B4GALNT3: variants seen among roughly 807,000 people sequenced by gnomAD.
B4GALNT3 encodes beta-1,4-N-acetylgalactosaminyltransferase 3.
In B4GALNT3, 86 loss-of-function variants were observed where a neutral mutation model predicts 120.2. That is an observed-to-expected ratio of 0.72 (90% CI 0.60 to 0.86). The LOEUF (loss-of-function observed/expected upper bound fraction) is 0.86, where lower values mean the gene tolerates loss of function less well. Ranked by LOEUF, B4GALNT3 falls within the 40% of genes least tolerant of loss-of-function variation. The pLI is 0.00. For missense variants in B4GALNT3, 1,167 were observed against 1,298.9 expected (o/e 0.90, Z 1.56); for synonymous variants, 518 against 510.4 (o/e 1.01, Z -0.20).
At chr12:475,839 G>A (rs1215021632) in intron 1 of B4GALNT3, among the ~76,000 whole-genome samples, 2 of 152,160 alleles carry the variant, frequency 1.3e-5, no homozygotes, top group East Asian at 3.9e-4. Context: ...AGAGTATCTG[G>A]TTAGGACAGT....
In B4GALNT3 at chr12:460,248, A is replaced by T. The variant is rs974957785; in HGVS notation, c.-129A>T. 11 of 696,956 alleles carry T rather than the reference A, an allele frequency of 1.6e-5. No individual in the cohort carries two copies. Among genetic ancestry groups the T allele is most frequent in the African/African-American group, 2.0e-5 (1 of 50,848 alleles). The allele number at this position is 696,956 out of a possible 1,614,324, so 43.2% of individuals were successfully genotyped here. A position where few individuals can be genotyped will look rare whatever the true frequency, so the allele number is the denominator to read the frequency against. On this transcript the variant is annotated 5_prime_UTR_variant, in exon 1 of 20. Coordinates refer to ENST00000266383, the MANE Select transcript of B4GALNT3 (RefSeq NM_173593.4). The surrounding 1 kb of genome is among the most constrained non-coding windows in gnomAD (Gnocchi z 8.0). ...AGCCCCGCCGGAGAGCGGCCGGGAGAGACGGCCTCGGCGCAGCCCTGAGAC... is the reference window on the plus strand; with the variant it reads ...AGCCCCGCCGGAGAGCGGCCGGGAGTGACGGCCTCGGCGCAGCCCTGAGAC...
chr12:464,912 G>A (rs1327792373), intron 1 of B4GALNT3, among the ~76,000 whole-genome samples: 1 of 152,214 alleles, frequency 6.6e-6, no homozygotes, highest in East Asian at 1.9e-4. Flanking sequence ...GGCAGTGACT[G>A]CAGCTCTGGC....
intron 1 of B4GALNT3, among the ~76,000 whole-genome samples, chr12:480,100 A>G (rs1946223125): frequency 1.3e-5 from 2 of 151,838 alleles, no homozygotes; most frequent in Non-Finnish European, 2.9e-5. Flanking sequence ...TATTTTTAGT[A>G]GAGACAAGGT....
chr12:551,677 G>C (rs1947085055), intron 11 of B4GALNT3, among the ~76,000 whole-genome samples: 1 of 152,186 alleles, frequency 6.6e-6, no homozygotes, highest in Non-Finnish European at 1.5e-5. Flanking sequence ...TAAATAGGAA[G>C]AGGGGTTGTT....
intron 6 of B4GALNT3, 101 bp from the exon 7 acceptor site, chr12:546,540 CTTTTT>C: frequency 9.8e-7 from 1 of 1,024,520 alleles, no homozygotes; most frequent in South Asian, 1.4e-5. Context: ...GTCTTCCTCC[CTTTTT>C]CTCTCACTTC....
chr12:547,031 C>T (rs1947016177), intron 7 of B4GALNT3, among the ~76,000 whole-genome samples: 2 of 152,234 alleles, frequency 1.3e-5, no homozygotes, highest in South Asian at 4.1e-4. Context: ...ACAGCCTGGA[C>T]CCCGGACCGA....
At chr12:477,853 T>G (rs1946198632) in intron 1 of B4GALNT3, among the ~76,000 whole-genome samples, 1 of 152,132 alleles carries the variant, frequency 6.6e-6, no homozygotes, top group Non-Finnish European at 1.5e-5. Flanking sequence ...GTTTAGCAAA[T>G]GGAAGTCCAT....
In B4GALNT3 at chr12:546,639, C is replaced by T. The variant is rs1041078650; in HGVS notation, c.640-7C>T. ...CCTCCCTCCTCTTCTCTCTTCCACA[C>T]CTCTAGACTGGAAAGGAGTGGACCG... On this transcript the variant is annotated splice_polypyrimidine_tract_variant and splice_region_variant and intron_variant, in intron 6 of 19. Transcript: ENST00000266383. 4 of 1,551,300 alleles carry T rather than the reference C, an allele frequency of 2.6e-6. No individual in the cohort carries two copies. Among genetic ancestry groups the T allele is most frequent in the Middle Eastern group, 3.3e-4 (2 of 5,992 alleles).
In B4GALNT3 at chr12:544,392, C is replaced by A. The variant is rs758121985; in HGVS notation, c.405C>A (p.Ile135=). 6.2e-7 allele frequency: 1 copy of A among 1,613,756 alleles called. No homozygotes were observed. The highest frequency in any genetic ancestry group is 1.7e-5 in the Admixed American group (1 of 60,014). ...HVFEDWCGSS[I]QQLRRNLHFP... is the part of the protein sequence containing the mutation. ...TTGAAGACTGGTGTGGCAGCTCTAT[C>A]CAGCAGCTCAGGAGGAACCTGCATT... The change falls in exon 4 of 20, where the codon ATC becomes ATA. Residue 135 remains isoleucine, a synonymous_variant. Coordinates refer to ENST00000266383, the MANE Select transcript of B4GALNT3 (RefSeq NM_173593.4).
intron 1 of B4GALNT3, among the ~76,000 whole-genome samples, chr12:505,467 G>A (rs1002153430): frequency 1.3e-5 from 2 of 152,314 alleles, no homozygotes; most frequent in East Asian, 3.9e-4. Context: ...AGGGCCGTCT[G>A]CCCAGCCATT....
At chr12:551,207 C>T (rs561592718) in intron 11 of B4GALNT3, among the ~76,000 whole-genome samples, 176 bp downstream of exon 11, 1 of 152,362 alleles carries the variant, frequency 6.6e-6, no homozygotes, top group East Asian at 1.9e-4. Context: ...ATGGACCGCC[C>T]TGAATAGACT....
chr12:468,516 C>A (rs1592008342), intron 1 of B4GALNT3, among the ~76,000 whole-genome samples: 1 of 152,154 alleles, frequency 6.6e-6, no homozygotes, highest in East Asian at 1.9e-4. Context: ...AAGGCAAATT[C>A]AATAAAATTG....
chr12:479,911 A>G (rs1592014381), intron 1 of B4GALNT3, among the ~76,000 whole-genome samples: 1 of 87,170 alleles, frequency 1.1e-5, no homozygotes, highest in Non-Finnish European at 2.2e-5. Flanking sequence ...CAGGATGGGG[A>G]GTTCTTTTTT....
intron 18 of B4GALNT3, 118 bp downstream of exon 18, chr12:558,779 GC>G: frequency 8.8e-7 from 1 of 1,141,506 alleles, no homozygotes; most frequent in Non-Finnish European, 1.2e-6. Flanking sequence ...GCCCCACCCT[GC>G]CCTCCTGTGG....
intron 1 of B4GALNT3, among the ~76,000 whole-genome samples, chr12:495,648 G>A (rs1946381493): frequency 6.6e-6 from 1 of 152,178 alleles, no homozygotes; most frequent in African/African-American, 2.4e-5. Flanking sequence ...TCTAGCATGA[G>A]CTTCACTTGC....
chr12:496,647 A>G (rs552988070), intron 1 of B4GALNT3, among the ~76,000 whole-genome samples: 1 of 152,270 alleles, frequency 6.6e-6, no homozygotes, highest in East Asian at 1.9e-4. Flanking sequence ...TTTAGTACAT[A>G]TACAATGTTG....
At chr12:473,234 C>T (rs1565587856) in intron 1 of B4GALNT3, among the ~76,000 whole-genome samples, 1 of 122,970 alleles carries the variant, frequency 8.1e-6, no homozygotes, top group Non-Finnish European at 1.6e-5. Flanking sequence ...TCCCAAAGTG[C>T]TGAGATTACA....
chr12:483,810 G>A (rs1290306159), intron 1 of B4GALNT3, among the ~76,000 whole-genome samples: 1 of 152,172 alleles, frequency 6.6e-6, no homozygotes, highest in Non-Finnish European at 1.5e-5. Flanking sequence ...TTGAAGTTCA[G>A]AGGTACTTAC....
rs1565597751 is a variant in B4GALNT3, at chr12:511,314, G to GAGCTTCCA, written c.170-23852_170-23851insAGCTTCCA. On this transcript the variant is annotated intron_variant, in intron 1 of 19. Transcript: ENST00000266383. ...TTCGACCTTCCACCTTCCACCTTCC[G>GAGCTTCCA]CCTTCTGCCTTCCACCTTCCACCTT... 3.1e-3 allele frequency among the ~76,000 whole-genome samples: 44 copies of GAGCTTCCA among 14,244 alleles called. 1 individual carries two copies. Among genetic ancestry groups the GAGCTTCCA allele is most frequent in the South Asian group, 0.01 (3 of 288 alleles). The allele number at this position is 14,244 out of a possible 152,430, so 9.3% of individuals were successfully genotyped here.
Sources: gnomAD v4.1 joint callset for allele counts (sites outside exome capture counted in the v4.1 genomes callset) on GRCh38, gnomAD v4.1.1 for gene constraint, Gnocchi (gnomAD v3.1) non-coding constraint, MANE v1.5 for transcripts, NCBI Gene and HGNC (gene_info 2026-07-23, HGNC 2026-07-21) for gene names.